LPAR1: variants seen among roughly 807,000 people sequenced by gnomAD.
LPAR1 encodes LPA receptor 1.
Under a neutral mutation model 23.8 loss-of-function variants are expected in LPAR1, and 5 were observed. The ratio of observed to expected loss-of-function variants is 0.21; its 90% confidence interval spans 0.11 to 0.44. The LOEUF (loss-of-function observed/expected upper bound fraction) is 0.44, where lower values mean the gene tolerates loss of function less well. Ranked by LOEUF, LPAR1 falls within the 20% of genes least tolerant of loss-of-function variation. The pLI is 0.99. For synonymous variants in LPAR1, 160 were observed against 164.7 expected (o/e 0.97, Z 0.22); for missense variants, 311 against 482.8 (o/e 0.64, Z 3.33).
intron 4 of LPAR1, among the ~76,000 whole-genome samples, chr9:110,953,237 C>T (rs2095625849): frequency 2.0e-5 from 3 of 152,204 alleles, no homozygotes; most frequent in Non-Finnish European, 4.4e-5. Context: ...TACCAGCATA[C>T]ACCAAGAACA....
In LPAR1 at chr9:110,951,758, T is replaced by C. The variant is rs114916978; in HGVS notation, c.46-9590A>G. On this transcript the variant is annotated intron_variant, in intron 4 of 5. Coordinates refer to ENST00000683809, the MANE Select transcript of LPAR1 (RefSeq NM_001351411.2). The stretch of plus-strand genomic sequence containing the variant: ...GTTCATACACTAGATCAAAAGATTC[T>C]AACCCTAGTTTAAAAAAAAAATCAC... 7.0e-3 allele frequency among the ~76,000 whole-genome samples: 1,070 copies of C among 151,940 alleles called. 15 individuals carry two copies. Among genetic ancestry groups the C allele is most frequent in the African/African-American group, 0.025 (1,016 of 41,284 alleles).
chr9:110,958,129 A>AATCCTATGCTTATAGAT, intron 4 of LPAR1, among the ~76,000 whole-genome samples: 1 of 152,350 alleles, frequency 6.6e-6, no homozygotes, highest in Non-Finnish European at 1.5e-5. Flanking sequence ...GAACGAATTA[A>AATCCTATGCTTATAGAT]CGTTGTTAAA....
chr9:110,972,459 G>GTTT (rs1257348078), intron 3 of LPAR1, among the ~76,000 whole-genome samples: 1 of 152,180 alleles, frequency 6.6e-6, no homozygotes, highest in East Asian at 1.9e-4. Context: ...CCAGCTAGAT[G>GTTT]TTTTGGGAAG....
At chr9:110,958,504 G>T (rs984573666) in intron 4 of LPAR1, among the ~76,000 whole-genome samples, 1 of 152,296 alleles carries the variant, frequency 6.6e-6, no homozygotes, top group East Asian at 1.9e-4. Flanking sequence ...AATAAGTGGT[G>T]CTGGGAAAAC....
At chr9:110,994,109 G>A (rs2096949210) in intron 2 of LPAR1, among the ~76,000 whole-genome samples, 1 of 151,990 alleles carries the variant, frequency 6.6e-6, no homozygotes, top group African/African-American at 2.4e-5. Context: ...ACCAATAATG[G>A]AGCAAATCAA....
At chr9:110,955,079 C>A (rs139911811) in intron 4 of LPAR1, among the ~76,000 whole-genome samples, 1,631 of 152,220 alleles carry the variant, frequency 0.011, 20 homozygotes, top group Non-Finnish European at 0.014. Context: ...AATAATCCCT[C>A]ACATATCAAT....
intron 2 of LPAR1, among the ~76,000 whole-genome samples, chr9:111,030,533 A>G (rs1303474177): frequency 6.6e-6 from 1 of 152,184 alleles, no homozygotes; most frequent in African/African-American, 2.4e-5. Flanking sequence ...GAAGTGGTTG[A>G]AAGGCCTTTC....
chr9:110,925,533 A>G (rs2093952303), intron 5 of LPAR1, among the ~76,000 whole-genome samples: 3 of 152,216 alleles, frequency 2.0e-5, no homozygotes. Flanking sequence ...TATACAAACT[A>G]ACGAGTGGAA....
rs536746147 is a variant in LPAR1 at position 110,926,835 on chromosome 9, G to T, written c.793+14586C>A. Among the ~76,000 whole-genome samples, 30 of 152,254 alleles carry T rather than the reference G, an allele frequency of 2.0e-4. No homozygotes were observed. The South Asian group carries it at 3.3e-3, about 17-fold the overall frequency. ...AAATGTGCCCATTTCAGTGGAAAAG[G>T]TGAAAAGGGTTTTAAAATTGAGCAA... On this transcript the variant is annotated intron_variant, in intron 5 of 5. Coordinates refer to ENST00000683809, the MANE Select transcript of LPAR1 (RefSeq NM_001351411.2).
chr9:110,955,717 G>GAAAA (rs368923001), intron 4 of LPAR1, among the ~76,000 whole-genome samples: 2 of 138,748 alleles, frequency 1.4e-5, no homozygotes, highest in East Asian at 2.1e-4. Context: ...GACCACAATA[G>GAAAA]AAAAAAAAAA....
intron 5 of LPAR1, among the ~76,000 whole-genome samples, chr9:110,906,947 C>CA (rs879701086): frequency 0.037 from 5,675 of 152,098 alleles, 172 homozygotes; most frequent in Non-Finnish European, 0.046. Flanking sequence ...AAAAGGGATT[C>CA]AGATTAACAT....
chr9:110,997,908 C>G (rs927584601), intron 2 of LPAR1, among the ~76,000 whole-genome samples: 1 of 152,172 alleles, frequency 6.6e-6, no homozygotes, highest in Non-Finnish European at 1.5e-5. Flanking sequence ...AACAAGCACC[C>G]AAAGTGGGTC....
At chr9:111,026,108 C>T (rs958083685) in intron 2 of LPAR1, among the ~76,000 whole-genome samples, 6 of 152,024 alleles carry the variant, frequency 3.9e-5, no homozygotes, top group Non-Finnish European at 5.9e-5. Flanking sequence ...AATCTATAAA[C>T]TACTTTGGGC....
intron 5 of LPAR1, among the ~76,000 whole-genome samples, chr9:110,911,921 A>G (rs1254621252): frequency 6.6e-6 from 1 of 152,204 alleles, no homozygotes; most frequent in African/African-American, 2.4e-5. Context: ...AACACTTATA[A>G]TACAGAAAAG....
chr9:110,977,760 T>TA (rs2096581643), intron 2 of LPAR1, among the ~76,000 whole-genome samples: 1 of 140,372 alleles, frequency 7.1e-6, no homozygotes, highest in South Asian at 2.2e-4. Flanking sequence ...TCCCGGAACT[T>TA]AAAGTAAAAT....
intron 5 of LPAR1, among the ~76,000 whole-genome samples, chr9:110,910,052 A>C (rs796686233): frequency 5.8e-4 from 89 of 152,212 alleles, no homozygotes; most frequent in African/African-American, 2.0e-3. Context: ...TCTGGCCCAA[A>C]TGTTATTTTT....
intron 2 of LPAR1, among the ~76,000 whole-genome samples, chr9:111,026,194 T>G (rs1441665191): frequency 1.3e-5 from 2 of 152,124 alleles, no homozygotes; most frequent in African/African-American, 4.8e-5. Context: ...GTGTCGTCTC[T>G]TGTTTCCTTG....
At chr9:110,933,974 C>T (rs1233078411) in intron 5 of LPAR1, among the ~76,000 whole-genome samples, 1 of 152,126 alleles carries the variant, frequency 6.6e-6, no homozygotes, top group Non-Finnish European at 1.5e-5. Context: ...TGACCCAAGC[C>T]CAGGATGTGG....
At chr9:110,893,640 A>C (rs1468412775) in intron 5 of LPAR1, among the ~76,000 whole-genome samples, 1 of 152,164 alleles carries the variant, frequency 6.6e-6, no homozygotes, top group Non-Finnish European at 1.5e-5. Context: ...TGTTTTTGTA[A>C]CTTTTTTTGG....
Sources: gnomAD v4.1 joint callset for allele counts (sites outside exome capture counted in the v4.1 genomes callset) on GRCh38, gnomAD v4.1.1 for gene constraint, MANE v1.5 for transcripts, NCBI Gene and HGNC (gene_info 2026-07-23, HGNC 2026-07-21) for gene names.